The following MAP6 variants were observed in gnomAD, a reference collection of about 807,000 sequenced individuals.
MAP6 encodes microtubule associated protein 6, also known as microtubule-associated protein 6.
A neutral mutation model predicts 42.4 loss-of-function variants in MAP6; 26 were observed. The ratio of observed to expected loss-of-function variants is 0.61; its 90% confidence interval spans 0.45 to 0.85. MAP6 has a LOEUF of 0.85. Among genes scored for constraint, MAP6 ranks in the 40% least tolerant of loss-of-function variants. The pLI, the probability that MAP6 is intolerant of heterozygous loss-of-function variation, is 0.00. For synonymous variants in MAP6, 418 were observed against 443.8 expected, an observed-to-expected ratio of 0.94 and a Z score of 0.73; for missense variants, 966 against 1,099.0, an observed-to-expected ratio of 0.88 and a Z score of 1.71.
chr11:75,599,791 C>G (rs1047214216), intron 3 of MAP6, among the ~76,000 whole-genome samples: 2 of 152,162 alleles, frequency 1.3e-5, no homozygotes, highest in African/African-American at 4.8e-5. Flanking sequence ...GGCTATGGAG[C>G]TGGAAGCCTG....
At position 75,605,986 on chromosome 11, in the gene MAP6, G is replaced by C; in HGVS notation, c.1138C>G (p.Gln380Glu). 6.2e-7 allele frequency: 1 copy of C among 1,613,744 alleles called. No individual in the cohort carries two copies. Among genetic ancestry groups the C allele is most frequent in the Non-Finnish European group, 8.5e-7 (1 of 1,179,994 alleles). ...EPPKVEKPSV[Q>E]SSKPKKTSAS... ...GAGGTCTTTTTTGGTTTGGAACTCTGAACACTAGGTTTTTCCACCTGTACG... is the reference window on the plus strand; with the variant it reads ...GAGGTCTTTTTTGGTTTGGAACTCTCAACACTAGGTTTTTCCACCTGTACG... Residue 380 changes from glutamine (Q) to glutamate (E), a missense_variant, in exon 3 of 4, where the codon CAG (glutamine) becomes GAG (glutamate). Physicochemically the swap from Gln to Glu is conservative, Grantham distance 29. Coordinates refer to ENST00000304771, the MANE Select transcript of MAP6 (RefSeq NM_033063.2).
intron 1 of MAP6, among the ~76,000 whole-genome samples, chr11:75,656,749 C>T (rs532514454): frequency 7.2e-5 from 11 of 152,324 alleles, no homozygotes; most frequent in African/African-American, 2.2e-4. Flanking sequence ...ACCCTTTCTC[C>T]TGAGCTTCAA....
chr11:75,634,149 G>A (rs1412916236), intron 1 of MAP6, among the ~76,000 whole-genome samples: 1 of 152,200 alleles, frequency 6.6e-6, no homozygotes. Flanking sequence ...GCTGAAACTT[G>A]CTGAATGAGT....
intron 3 of MAP6, among the ~76,000 whole-genome samples, chr11:75,598,491 A>G (rs938171419): frequency 3.3e-5 from 5 of 152,238 alleles, no homozygotes; most frequent in Non-Finnish European, 7.3e-5. Context: ...TCTAAAGTAC[A>G]GAGGTATGCA....
At position 75,628,469 on chromosome 11, in the gene MAP6, C is replaced by T. The variant is rs569487194; in HGVS notation, c.906-20147G>A. Reference sequence around the variant, plus strand: ...ACGGGTCCAAGCGAGAGCTTGCCTCCTCCCCGCCCTTGCTCCCCGAATACC... The same window carrying T: ...ACGGGTCCAAGCGAGAGCTTGCCTCTTCCCCGCCCTTGCTCCCCGAATACC... On this transcript the variant is annotated intron_variant, in intron 1 of 3. Transcript: ENST00000304771. 1.7e-3 allele frequency among the ~76,000 whole-genome samples: 257 copies of T among 152,218 alleles called. 1 individual carries two copies. Among genetic ancestry groups the T allele is most frequent in the Non-Finnish European group, 3.3e-3 (226 of 68,036 alleles).
In MAP6 at chr11:75,659,352, C is replaced by T. The variant is rs186517975; in HGVS notation, c.905+8113G>A. ...CAAAAATTACCCAGGCGTGGTGGTG[C>T]GTGCCTGTAGTCCCAGCTACTCGGA... On this transcript the variant is annotated intron_variant, in intron 1 of 3. Coordinates refer to ENST00000304771, the MANE Select transcript of MAP6 (RefSeq NM_033063.2). 4.3e-3 allele frequency among the ~76,000 whole-genome samples: 659 copies of T among 152,182 alleles called. 6 individuals are homozygous for T. Among genetic ancestry groups the T allele is most frequent in the Middle Eastern group, 0.017 (5 of 294 alleles).
In MAP6 at chr11:75,668,218, TGCTGCGGCGGCGGTG is replaced by T. The variant is rs1425259279; in HGVS notation, c.137_151del (p.Pro46_Gln50del). 4.4e-6 allele frequency: 6 copies of T among 1,363,184 alleles called. No individual in the cohort carries two copies. The highest frequency in any genetic ancestry group is 3.0e-5 in the Admixed American group (1 of 33,324). The allele number at this position is 1,363,184 out of a possible 1,614,324, so 84.4% of individuals were successfully genotyped here. On this transcript the variant is annotated inframe_deletion, in exon 1 of 4. Coordinates refer to ENST00000304771, the MANE Select transcript of MAP6 (RefSeq NM_033063.2). ...GGGCGCGAGCGCCGGCTGCGCCTGC[TGCTGCGGCGGCGGTG>T]GCTGCGGCGGGGCGCCCGGGTGCTC...
At chr11:75,648,637 C>G (rs994720904) in intron 1 of MAP6, among the ~76,000 whole-genome samples, 2 of 152,084 alleles carry the variant, frequency 1.3e-5, no homozygotes, top group Non-Finnish European at 2.9e-5. Context: ...CCACTGAATA[C>G]ACTAAAATGA....
Position 75,588,122 on chromosome 11 carries a change from T to C in MAP6, c.1379A>G (p.Asp460Gly). 1 of 1,614,124 alleles carries C rather than the reference T, an allele frequency of 6.2e-7. No homozygotes were observed. Among genetic ancestry groups the C allele is most frequent in the Non-Finnish European group, 8.5e-7 (1 of 1,180,018 alleles). ...KTQGPVATEPDKDQGSVVPGL... is the reference protein window; with the variant it reads ...KTQGPVATEPGKDQGSVVPGL... ...TGGGACCACAGAACCTTGATCCTTGTCTGGCTCTGTGGCTACAGGACCTTG... is the reference window on the plus strand; with the variant it reads ...TGGGACCACAGAACCTTGATCCTTGCCTGGCTCTGTGGCTACAGGACCTTG... Residue 460 changes from aspartate (D) to glycine (G), a missense_variant, in exon 4 of 4, where the codon GAC (aspartate) becomes GGC (glycine). This residue lies in a region of MAP6 where 943 missense variants were observed against 1,049.9 expected (regional missense o/e 0.90). Transcript: ENST00000304771.
chr11:75,620,349 T>C (rs1460469855), intron 1 of MAP6, among the ~76,000 whole-genome samples: 5 of 152,014 alleles, frequency 3.3e-5, no homozygotes, highest in Non-Finnish European at 5.9e-5. Flanking sequence ...CTCATGCCTG[T>C]AGTCACAGCT....
In MAP6 at chr11:75,587,814, CT is replaced by C; in HGVS notation, c.1686del (p.Gly563ValfsTer8). The C allele has an allele frequency of 6.2e-7, 1 of 1,614,152 alleles. No individual in the cohort carries two copies. The highest frequency in any genetic ancestry group is 8.5e-7 in the Non-Finnish European group (1 of 1,180,016). ...GSVVPESLKD[Q>X]GPRIPEPVKN... is the part of the protein sequence containing the mutation. ...TTCACAGGCTCAGGAATCCTAGGAC[CT>C]TGATCCTTTAGAGACTCTGGTACCA... On this transcript the variant is annotated frameshift_variant, in exon 4 of 4. Coordinates refer to ENST00000304771, the MANE Select transcript of MAP6 (RefSeq NM_033063.2). LOFTEE classifies it low-confidence loss of function (END_TRUNC).
chr11:75,626,305 T>G (rs1219114899), intron 1 of MAP6, among the ~76,000 whole-genome samples: 1 of 152,170 alleles, frequency 6.6e-6, no homozygotes, highest in Non-Finnish European at 1.5e-5. Flanking sequence ...ACACTTTCAT[T>G]TTATAGCTAA....
At chr11:75,631,828 G>A (rs192162838) in intron 1 of MAP6, among the ~76,000 whole-genome samples, 72 of 152,292 alleles carry the variant, frequency 4.7e-4, no homozygotes, top group Non-Finnish European at 8.5e-4. Context: ...GGCACTGGGT[G>A]TACAAATATT....
intron 1 of MAP6, among the ~76,000 whole-genome samples, chr11:75,617,143 G>C (rs1170937687): frequency 1.3e-5 from 2 of 152,102 alleles, no homozygotes; most frequent in African/African-American, 4.8e-5. Context: ...TTGTGCATCT[G>C]GGAAACAATG....
At position 75,586,976 on chromosome 11, in the gene MAP6, A is replaced by T; in HGVS notation, c.*83T>A. On this transcript the variant is annotated 3_prime_UTR_variant, in exon 4 of 4. Coordinates refer to ENST00000304771, the MANE Select transcript of MAP6 (RefSeq NM_033063.2). Reference sequence around the variant, plus strand: ...CAAGACTACTGTACATGTTTCATGCAGATTAAATATGTGTCTTCACTGCCC... The same window carrying T: ...CAAGACTACTGTACATGTTTCATGCTGATTAAATATGTGTCTTCACTGCCC... 1.5e-6 allele frequency: 2 copies of T among 1,354,964 alleles called. No individual in the cohort carries two copies. Among genetic ancestry groups the T allele is most frequent in the Non-Finnish European group, 2.0e-6 (2 of 988,962 alleles). 83.9% of individuals were successfully genotyped at this position (1,354,964 alleles called of 1,614,324 possible).
chr11:75,650,063 C>T (rs530995302), intron 1 of MAP6, among the ~76,000 whole-genome samples: 1 of 152,132 alleles, frequency 6.6e-6, no homozygotes, highest in African/African-American at 2.4e-5. Context: ...TCAATGTCAT[C>T]GGATTTTCAG....
At chr11:75,638,170 G>A (rs765267967) in intron 1 of MAP6, among the ~76,000 whole-genome samples, 19 of 151,122 alleles carry the variant, frequency 1.3e-4, no homozygotes, top group Non-Finnish European at 2.4e-4. Context: ...TCTCCTCACA[G>A]GCCCCTCAGG....
rs533630603 is a variant in MAP6 at position 75,668,202 on chromosome 11, C to T, written c.168G>A (p.Ala56=). 1.6e-6 allele frequency: 2 copies of T among 1,264,350 alleles called. No individual in the cohort carries two copies. Among genetic ancestry groups the T allele is most frequent in the Non-Finnish European group, 2.0e-6 (2 of 1,013,268 alleles). 78.3% of individuals were successfully genotyped at this position (1,264,350 alleles called of 1,614,324 possible). A position where few individuals can be genotyped will look rare whatever the true frequency, so the allele number is the denominator to read the frequency against. The part of the protein sequence containing the change: ...PPPPQQQAQP[A]LAPPSARAVA... ...CCGCGCGCGCCGAGGGGGGCGCGAG[C>T]GCCGGCTGCGCCTGCTGCTGCGGCG... Residue 56 remains alanine, a synonymous_variant, in exon 1 of 4, where the codon GCG becomes GCA. Coordinates refer to ENST00000304771, the MANE Select transcript of MAP6 (RefSeq NM_033063.2).
chr11:75,639,791 C>G (rs1229766376), intron 1 of MAP6, among the ~76,000 whole-genome samples: 3 of 152,078 alleles, frequency 2.0e-5, no homozygotes, highest in African/African-American at 7.2e-5. Context: ...GAGAGAGAGA[C>G]AGACACACAC....
Sources: allele counts gnomAD v4.1 joint callset (sites outside exome capture counted in the v4.1 genomes callset), GRCh38; gene constraint gnomAD v4.1.1; regional missense constraint gnomAD v4.1.1; transcripts MANE v1.5; gene names NCBI Gene and HGNC (gene_info 2026-07-23, HGNC 2026-07-21).